SS18L1: variants seen among roughly 807,000 people sequenced by gnomAD.
The protein encoded by SS18L1 is calcium-responsive transactivator.
In SS18L1, 32 loss-of-function variants were observed where a neutral mutation model predicts 70.3. The observed-to-expected ratio is 0.46, with a 90% CI of 0.34 to 0.61. The LOEUF (loss-of-function observed/expected upper bound fraction) is 0.61, where lower values mean the gene tolerates loss of function less well. SS18L1 is among the 20% of genes least tolerant of loss of function. The pLI is 0.01. For missense variants in SS18L1, 430 were observed against 542.1 expected, an observed-to-expected ratio of 0.79 and a Z score of 2.05; for synonymous variants, 237 against 229.7, an observed-to-expected ratio of 1.03 and a Z score of -0.29.
At chr20:62,153,003 C>T (rs1431461781) in intron 1 of SS18L1, among the ~76,000 whole-genome samples, 1 of 152,116 alleles carries the variant, frequency 6.6e-6, no homozygotes, top group Non-Finnish European at 1.5e-5. Context: ...GAAGAAATAT[C>T]TGAGATGGGG....
chr20:62,160,102 G>A, intron 3 of SS18L1, 141 bp downstream of exon 3: 1 of 861,784 alleles, frequency 1.2e-6, no homozygotes, highest in Non-Finnish European at 1.8e-6. Flanking sequence ...CCAGAAATGG[G>A]AGTGTGGGCG....
At chr20:62,144,579 C>A (rs1184732013) in intron 1 of SS18L1, among the ~76,000 whole-genome samples, 1 of 152,258 alleles carries the variant, frequency 6.6e-6, no homozygotes, top group Non-Finnish European at 1.5e-5. Context: ...AGCGTGACAC[C>A]CTCGCCAGCC....
At chr20:62,164,656 C>G (rs577817059) in intron 7 of SS18L1, among the ~76,000 whole-genome samples, 2 of 152,242 alleles carry the variant, frequency 1.3e-5, no homozygotes, top group Non-Finnish European at 2.9e-5. Flanking sequence ...TCCTCCTGCA[C>G]CTTCTCATCT....
At chr20:62,145,361 CG>C (rs1301868556) in intron 1 of SS18L1, among the ~76,000 whole-genome samples, 1 of 152,080 alleles carries the variant, frequency 6.6e-6, no homozygotes, top group Non-Finnish European at 1.5e-5. Flanking sequence ...AGCCAGGTGT[CG>C]ATCCCATACG....
At position 62,175,265 on chromosome 20, in the gene SS18L1, G is replaced by A. The variant is rs1272911199; in HGVS notation, c.1164+621G>A. 4.1e-6 allele frequency: 4 copies of A among 985,330 alleles called. No individual in the cohort carries two copies. The African/African-American group carries it at 7.0e-5, about 17-fold the overall frequency. 61.0% of individuals were successfully genotyped at this position (985,330 alleles called of 1,614,324 possible). A position where few individuals can be genotyped will look rare whatever the true frequency, so the allele number is the denominator to read the frequency against. On this transcript the variant is annotated intron_variant, in intron 10 of 10. Coordinates refer to ENST00000331758, the MANE Select transcript of SS18L1 (RefSeq NM_198935.3). ...CAGCTTGGAAGATGGAAGAGCGGGA[G>A]CTCTCGGGACAGTGAGGAGGCCGGT...
intron 8 of SS18L1, among the ~76,000 whole-genome samples, chr20:62,171,889 A>G (rs1208889184): frequency 6.6e-6 from 1 of 152,100 alleles, no homozygotes; most frequent in Non-Finnish European, 1.5e-5. Flanking sequence ...ATGGTCGGGC[A>G]CCGTGGCTCA....
intron 1 of SS18L1, among the ~76,000 whole-genome samples, chr20:62,156,067 C>T (rs2057216765): frequency 1.3e-5 from 2 of 150,310 alleles, no homozygotes; most frequent in South Asian, 2.2e-4. Context: ...CGTGCTTCGT[C>T]GTGCGTACAT....
chr20:62,159,933 A>T lies in SS18L1; in HGVS notation c.203A>T (p.Asn68Ile). 1 of 1,612,360 alleles carries T rather than the reference A, an allele frequency of 6.2e-7. No individual in the cohort carries two copies. The highest frequency in any genetic ancestry group is 8.5e-7 in the Non-Finnish European group (1 of 1,179,836). The change falls in exon 3 of 11, where the codon AAC becomes ATC. Residue 68 changes from asparagine (N) to isoleucine (I), a missense_variant. By Grantham distance (149) the Asn-to-Ile change is moderately radical (BLOSUM62 -3). Coordinates refer to ENST00000331758, the MANE Select transcript of SS18L1 (RefSeq NM_198935.3). This position sits in a 1 kb window ranked among gnomAD's most constrained non-coding sequence, Gnocchi z 4.4. ...TACCTGGCCACGATCGCAGACTCCAACCAGAACATGCAGTCCCTGCTTCCT... is the reference window on the plus strand; with the variant it reads ...TACCTGGCCACGATCGCAGACTCCATCCAGAACATGCAGTCCCTGCTTCCT... ...LVYLATIADSNQNMQSLLPAP... is the reference protein window; with the variant it reads ...LVYLATIADSIQNMQSLLPAP...
intron 10 of SS18L1, among the ~76,000 whole-genome samples, chr20:62,177,521 C>T (rs2057641245): frequency 6.6e-6 from 1 of 152,224 alleles, no homozygotes; most frequent in Non-Finnish European, 1.5e-5. Flanking sequence ...CACTTCCTCG[C>T]TGGGGGCATT....
chr20:62,169,514 C>G (rs1175756461), intron 8 of SS18L1, among the ~76,000 whole-genome samples: 2 of 152,176 alleles, frequency 1.3e-5, no homozygotes, highest in African/African-American at 4.8e-5. Context: ...CAGAGTGGCT[C>G]ACGCCTGTAA....
Position 62,165,405 on chromosome 20 carries a change from G to A in SS18L1, c.824-17G>A, listed in dbSNP as rs759742075. 1.7e-5 allele frequency: 27 copies of A among 1,606,382 alleles called. No homozygotes were observed. The highest frequency in any genetic ancestry group is 4.0e-5 in the African/African-American group (3 of 74,610). On this transcript the variant is annotated splice_polypyrimidine_tract_variant and intron_variant, in intron 7 of 10. Transcript: ENST00000331758. ...TGCACAGCCTCCGCTGACTGTCGCC[G>A]TCTCCGTTTCGCACAGGCCATGGCG...
At chr20:62,172,191 G>A (rs1365814981) in intron 8 of SS18L1, among the ~76,000 whole-genome samples, 1 of 151,448 alleles carries the variant, frequency 6.6e-6, no homozygotes, top group Non-Finnish European at 1.5e-5. Flanking sequence ...ATCTGGGCAC[G>A]CTGGCACACA....
intron 8 of SS18L1, among the ~76,000 whole-genome samples, chr20:62,170,282 G>T (rs1054815762): frequency 3.3e-5 from 5 of 152,218 alleles, no homozygotes; most frequent in Non-Finnish European, 5.9e-5. Flanking sequence ...GGGGCAGGCG[G>T]ATCACGAGGT....
rs757537162 is a variant in SS18L1 at position 62,174,701 on chromosome 20, TGAA to T, written c.1164+60_1164+62del. 1.2e-6 allele frequency: 2 copies of T among 1,612,388 alleles called. No homozygotes were observed. The highest frequency in any genetic ancestry group is 2.2e-5 in the South Asian group (2 of 90,778). On this transcript the variant is annotated intron_variant, in intron 10 of 10. Coordinates refer to ENST00000331758, the MANE Select transcript of SS18L1 (RefSeq NM_198935.3). This position sits in a 1 kb window ranked among gnomAD's most constrained non-coding sequence, Gnocchi z 4.1. ...ATCCGCCGCGCCTGTCGAGACATAA[TGAA>T]GATTTCTCTTATGGCCATGAGGAAT...
rs542915198 is a variant in SS18L1 at position 62,165,404 on chromosome 20, C to T, written c.824-18C>T. On this transcript the variant is annotated intron_variant, in intron 7 of 10. Transcript: ENST00000331758. ...GTGCACAGCCTCCGCTGACTGTCGC[C>T]GTCTCCGTTTCGCACAGGCCATGGC... The T allele has an allele frequency of 1.7e-5, 28 of 1,605,856 alleles. No homozygotes were observed. In the South Asian group the frequency reaches 2.0e-4, roughly 11 times the overall value.
In SS18L1 at chr20:62,165,513, G is replaced by C. The variant is rs1198926688; in HGVS notation, c.915G>C (p.Gly305=). 1.2e-6 allele frequency: 2 copies of C among 1,611,124 alleles called. No individual in the cohort carries two copies. Among genetic ancestry groups the C allele is most frequent in the South Asian group, 2.2e-5 (2 of 90,676 alleles). The change falls in exon 8 of 11, where the codon GGG becomes GGC. Residue 305 remains glycine (G), a splice_region_variant and synonymous_variant. Transcript: ENST00000331758. ...FEESTQHYYE[G]GNSQYSQQQA... ...AGTCCACGCAGCACTACTATGAGGG[G>C]GGTAAGGAGCACGGCTGCGTGCTGG...
At chr20:62,166,418 T>G (rs1360376599) in intron 8 of SS18L1, among the ~76,000 whole-genome samples, 1 of 152,210 alleles carries the variant, frequency 6.6e-6, no homozygotes, top group East Asian at 1.9e-4. Flanking sequence ...CAGATTTCCT[T>G]GTTTGGGTTA....
intron 1 of SS18L1, among the ~76,000 whole-genome samples, chr20:62,152,945 G>A (rs796090313): frequency 2.2e-4 from 34 of 152,326 alleles, no homozygotes; most frequent in African/African-American, 7.0e-4. Flanking sequence ...CACATCAGGA[G>A]TCAAGAAGCA....
rs375066131 is a variant in SS18L1, at chr20:62,165,559, C to A, written c.916+45C>A. The A allele has an allele frequency of 1.9e-5, 30 of 1,562,910 alleles. No homozygotes were observed. In the East Asian group the frequency reaches 6.5e-4, roughly 34 times the overall value. ...GCTGGGCTCGAGCGTAAGCGCCACA[C>A]GCAGCAGAGTTAAGACGCTGCACCC... On this transcript the variant is annotated intron_variant, in intron 8 of 10. Coordinates refer to ENST00000331758, the MANE Select transcript of SS18L1 (RefSeq NM_198935.3).
Sources: gnomAD v4.1 joint callset for allele counts (sites outside exome capture counted in the v4.1 genomes callset) on GRCh38, gnomAD v4.1.1 for gene constraint, Gnocchi (gnomAD v3.1) non-coding constraint, MANE v1.5 for transcripts, NCBI Gene and HGNC (gene_info 2026-07-23, HGNC 2026-07-21) for gene names.